Variants in AGAP1 observed in about 807,000 individuals in gnomAD.
The protein encoded by AGAP1 is arf-GAP with GTPase, ANK repeat and PH domain-containing protein 1.
AGAP1 carries 29 observed loss-of-function variants against 105.3 expected under a neutral mutation model. The ratio of observed to expected loss-of-function variants is 0.28; its 90% CI spans 0.21 to 0.38. The LOEUF (loss-of-function observed/expected upper bound fraction) is 0.38, where lower values mean the gene tolerates loss of function less well. Among genes scored for constraint, AGAP1 ranks in the 10% least tolerant of loss-of-function variants. AGAP1 has a pLI of 1.00. For missense variants in AGAP1, 998 were observed against 1,165.1 expected (o/e 0.86, Z 2.09); for synonymous variants, 509 against 485.9 (o/e 1.05, Z -0.63).
chr2:235,746,377 C>CCTTTTTTTTTTTTTTTTTTTT (rs1295250993), intron 5 of AGAP1, among the ~76,000 whole-genome samples: 1 of 55,546 alleles, frequency 1.8e-5, no homozygotes, highest in African/African-American at 8.0e-5. Context: ...CCTCCCCCAA[C>CCTTTTTTTTTTTTTTTTTTTT]TTTTTTTTTT....
In AGAP1 at chr2:235,612,987, C is replaced by G. The variant is rs1201777814; in HGVS notation, c.164-96192C>G. 6.6e-6 allele frequency among the ~76,000 whole-genome samples: 1 copy of G among 151,458 alleles called. No homozygotes were observed. The highest frequency in any genetic ancestry group is 1.5e-5 in the Non-Finnish European group (1 of 67,952). On this transcript the variant is annotated intron_variant, in intron 1 of 17. Transcript: ENST00000304032. The surrounding 1 kb of genome is among the most constrained non-coding windows in gnomAD (Gnocchi z 4.3). ...CTTTCCCAGGTGAGGTTAGCAAATA[C>G]GTATAGATTGTAACAAGAGAATTTT...
intron 13 of AGAP1, among the ~76,000 whole-genome samples, chr2:236,023,588 G>A (rs1177868318): frequency 6.6e-6 from 1 of 152,114 alleles, no homozygotes; most frequent in Non-Finnish European, 1.5e-5. Context: ...GGTCAGGAGT[G>A]GAGAAGATGG....
intron 1 of AGAP1, among the ~76,000 whole-genome samples, chr2:235,503,371 G>A (rs895740575): frequency 2.6e-5 from 4 of 152,126 alleles, no homozygotes; most frequent in South Asian, 4.1e-4. Context: ...CCGGGATCGC[G>A]TATCTGCTCC....
At position 235,557,133 on chromosome 2, in the gene AGAP1, G is replaced by A. The variant is rs182083172; in HGVS notation, c.163+62284G>A. 9.2e-5 allele frequency among the ~76,000 whole-genome samples: 14 copies of A among 152,142 alleles called. No homozygotes were observed. The highest frequency in any genetic ancestry group is 1.9e-4 in the Non-Finnish European group (13 of 68,000). ...TGGGTCTGGTTGTCTTGCTGACCTG[G>A]TCTGCCTCCTGCTTGCTTCCATAGC... On this transcript the variant is annotated intron_variant, in intron 1 of 17. Transcript: ENST00000304032. This position sits in a 1 kb window ranked among gnomAD's most constrained non-coding sequence, Gnocchi z 4.7.
intron 16 of AGAP1, among the ~76,000 whole-genome samples, chr2:236,103,852 C>T (rs758332557): frequency 9.9e-5 from 15 of 151,992 alleles, no homozygotes; most frequent in African/African-American, 1.7e-4. Context: ...CAGGCGTGAG[C>T]GACATGCCCA....
Position 236,102,188 on chromosome 2 carries a change from C to T in AGAP1, c.2115-18004C>T, listed in dbSNP as rs530551893. On this transcript the variant is annotated intron_variant, in intron 16 of 17. Transcript: ENST00000304032. ...ATCCCAGCACTTTGGGAGGCCAAGG[C>T]GGGCGGATCACAAGGTCAGGAGATC... Among the ~76,000 whole-genome samples, 78 of 152,164 alleles carry T rather than the reference C, an allele frequency of 5.1e-4. 1 individual carries two copies. The highest frequency in any genetic ancestry group is 3.4e-3 in the Middle Eastern group (1 of 294).
At chr2:235,797,734 T>A (rs372856299) in intron 6 of AGAP1, 25 bp from the exon 7 acceptor site, 8 of 1,613,838 alleles carry the variant, frequency 5.0e-6, no homozygotes, top group Non-Finnish European at 6.8e-6. Context: ...TGACATGGAT[T>A]TCTTTTTGTC....
intron 9 of AGAP1, chr2:235,853,252 G>A (rs915261505): frequency 1.0e-6 from 1 of 996,860 alleles, no homozygotes; most frequent in Non-Finnish European, 1.2e-6. Context: ...GAAAAACGGG[G>A]TAAAATGGCT....
At chr2:235,926,079 G>A (rs770254590) in intron 11 of AGAP1, among the ~76,000 whole-genome samples, 1 of 152,166 alleles carries the variant, frequency 6.6e-6, no homozygotes, top group Non-Finnish European at 1.5e-5. Flanking sequence ...CATAGGGCAG[G>A]TATTGCTTGA....
At chr2:235,632,856 C>A (rs957971419) in intron 1 of AGAP1, among the ~76,000 whole-genome samples, 1 of 152,170 alleles carries the variant, frequency 6.6e-6, no homozygotes, top group African/African-American at 2.4e-5. Context: ...CATGCTCTGC[C>A]GCTTTGATTT....
intron 16 of AGAP1, among the ~76,000 whole-genome samples, chr2:236,067,525 A>G (rs1019108114): frequency 2.6e-5 from 4 of 152,212 alleles, no homozygotes; most frequent in African/African-American, 9.6e-5. Flanking sequence ...TTCAGTATCT[A>G]CAGAAATGCC....
chr2:235,739,214 G>A lies in AGAP1; in HGVS notation c.311-1749G>A, dbSNP rs893609286. On this transcript the variant is annotated intron_variant, in intron 3 of 17. Coordinates refer to ENST00000304032, the MANE Select transcript of AGAP1 (RefSeq NM_001037131.3). The surrounding 1 kb of genome is among the most constrained non-coding windows in gnomAD (Gnocchi z 5.3). Reference sequence around the variant, plus strand: ...CTGTATGTGGCAGAGCCAGGGTTCAGGCAGAGCTAGGCCAGTATCGGGGTC... The same window carrying A: ...CTGTATGTGGCAGAGCCAGGGTTCAAGCAGAGCTAGGCCAGTATCGGGGTC... Among the ~76,000 whole-genome samples, 30 of 152,266 alleles carry A rather than the reference G, an allele frequency of 2.0e-4. No individual in the cohort carries two copies.
Position 235,963,594 on chromosome 2 carries a change from T to C in AGAP1, c.1484-4868T>C, listed in dbSNP as rs75025287. Among the ~76,000 whole-genome samples the C allele has an allele frequency of 2.5e-4, 38 of 152,342 alleles. No individual in the cohort carries two copies. The highest frequency in any genetic ancestry group is 8.2e-4 in the African/African-American group (34 of 41,562). ...TTCCTCATAGGCAAGTTGAAAGATA[T>C]GTGAGCTGAACACAAAGACAGTGTA... is the stretch of plus-strand genomic sequence containing the variant. On this transcript the variant is annotated intron_variant, in intron 12 of 17. Coordinates refer to ENST00000304032, the MANE Select transcript of AGAP1 (RefSeq NM_001037131.3). This position sits in a 1 kb window ranked among gnomAD's most constrained non-coding sequence, Gnocchi z 5.1.
At chr2:235,986,427 T>A (rs1273809968) in intron 13 of AGAP1, among the ~76,000 whole-genome samples, 2 of 152,176 alleles carry the variant, frequency 1.3e-5, no homozygotes, top group African/African-American at 2.4e-5. Context: ...ACAGAGACAA[T>A]TTGATTTCCT....
rs1029080767 is a variant in AGAP1 at position 235,608,071 on chromosome 2, G to T, written c.164-101108G>T. ...CTTCATAGTCTGCCTGTCTCAGAGC[G>T]TGGGCGGGTTGGCATCGTCTGCACG... On this transcript the variant is annotated intron_variant, in intron 1 of 17. Coordinates refer to ENST00000304032, the MANE Select transcript of AGAP1 (RefSeq NM_001037131.3). The surrounding 1 kb of genome is among the most constrained non-coding windows in gnomAD (Gnocchi z 5.4). Among the ~76,000 whole-genome samples, 1 of 152,176 alleles carries T rather than the reference G, an allele frequency of 6.6e-6. No individual in the cohort carries two copies. Among genetic ancestry groups the T allele is most frequent in the Non-Finnish European group, 1.5e-5 (1 of 68,040 alleles).
intron 10 of AGAP1, among the ~76,000 whole-genome samples, chr2:235,885,189 C>T (rs2050214826): frequency 6.6e-6 from 1 of 152,172 alleles, no homozygotes; most frequent in Admixed American, 6.5e-5. Context: ...TTTCTCTTTT[C>T]CTTCCACAAG....
rs2056096078 is a variant in AGAP1 at position 236,001,001 on chromosome 2, G to A, written c.1645+32378G>A. Among the ~76,000 whole-genome samples, 1 of 152,182 alleles carries A rather than the reference G, an allele frequency of 6.6e-6. No individual in the cohort carries two copies. Among genetic ancestry groups the A allele is most frequent in the Non-Finnish European group, 1.5e-5 (1 of 68,032 alleles). On this transcript the variant is annotated intron_variant, in intron 13 of 17. Coordinates refer to ENST00000304032, the MANE Select transcript of AGAP1 (RefSeq NM_001037131.3). This position sits in a 1 kb window ranked among gnomAD's most constrained non-coding sequence, Gnocchi z 4.7. ...GGCTGAATTGTGACCTCCAGAAAGA[G>A]ATGAGTTGTCCTAACCCCCACTACC...
At chr2:235,826,057 G>A (rs141572791) in intron 9 of AGAP1, among the ~76,000 whole-genome samples, 46 of 152,248 alleles carry the variant, frequency 3.0e-4, no homozygotes, top group African/African-American at 9.9e-4. Flanking sequence ...TGCACCCAGC[G>A]TGGAAGAGGA....
rs565037873 is a variant in AGAP1 at position 235,910,152 on chromosome 2, A to G, written c.1324+1246A>G. On this transcript the variant is annotated intron_variant, in intron 11 of 17. Transcript: ENST00000304032. ...GTTCTGAGGCATGAACGACACTGGT[A>G]GGTGAGAGCAAGATGGTACAGAGGA... Among the ~76,000 whole-genome samples, 138 of 119,046 alleles carry G rather than the reference A, an allele frequency of 1.2e-3. 2 individuals carry two copies. In the South Asian group the frequency reaches 0.013, roughly 11 times the overall value. The allele number at this position is 119,046 out of a possible 152,430, so 78.1% of individuals were successfully genotyped here.
Sources: gnomAD v4.1 joint callset for allele counts (sites outside exome capture counted in the v4.1 genomes callset) on GRCh38, gnomAD v4.1.1 for gene constraint, Gnocchi (gnomAD v3.1) non-coding constraint, MANE v1.5 for transcripts, NCBI Gene and HGNC (gene_info 2026-07-23, HGNC 2026-07-21) for gene names.